CEP63: variants seen among roughly 807,000 people sequenced by gnomAD.
The protein encoded by CEP63 is centrosomal protein 63, also known as centrosomal protein of 63 kDa.
In CEP63, 84 loss-of-function variants were observed where a neutral mutation model predicts 89.1. The observed-to-expected ratio is 0.94, with a 90% CI of 0.79 to 1.13. CEP63 has a LOEUF of 1.13. CEP63 is among the 50% of genes most tolerant of loss of function. The pLI is 0.00. For synonymous variants in CEP63, 267 were observed against 272.5 expected (o/e 0.98, Z 0.20); for missense variants, 838 against 813.3 (o/e 1.03, Z -0.37).
chr3:134,501,959 G>A (rs190265084), intron 2 of CEP63, among the ~76,000 whole-genome samples: 6 of 152,290 alleles, frequency 3.9e-5, no homozygotes, highest in Non-Finnish European at 7.4e-5. Context: ...GATATTGGCT[G>A]TGGGTTTGTC....
chr3:134,752,349 CT>C, the CEP63 span, among the ~76,000 whole-genome samples: 1 of 152,148 alleles, frequency 6.6e-6, no homozygotes, highest in African/African-American at 2.4e-5. Context: ...AGCCCTGTGC[CT>C]GAGGAAAGTG....
At chr3:134,646,651 A>G in the CEP63 span, among the ~76,000 whole-genome samples, 1 of 152,090 alleles carries the variant, frequency 6.6e-6, no homozygotes, top group Non-Finnish European at 1.5e-5. Flanking sequence ...TTCATCTGCA[A>G]TCCTATTTCC....
chr3:134,628,211 A>G, the CEP63 span: 136 of 201,630 alleles, frequency 6.7e-4, no homozygotes, highest in East Asian at 2.9e-3. Context: ...ATGGATGGAA[A>G]CAAAGATGCA....
At chr3:134,583,768 G>T (rs1285419692) in intron 10 of CEP63, among the ~76,000 whole-genome samples, 1 of 152,074 alleles carries the variant, frequency 6.6e-6, no homozygotes, top group African/African-American at 2.4e-5. Context: ...AATTACCTTG[G>T]GCAGTATGGT....
the CEP63 span, among the ~76,000 whole-genome samples, chr3:134,694,129 A>G: frequency 1.3e-5 from 2 of 152,200 alleles, no homozygotes; most frequent in African/African-American, 4.8e-5. Context: ...CTGTCATTCA[A>G]TGTGAAGGGC....
At chr3:134,485,991 G>GCCGC, upstream of CEP63, 1 of 938,168 alleles carries the variant, frequency 1.1e-6, no homozygotes, top group Non-Finnish European at 1.3e-6. Flanking sequence ...CTCCTGCCAC[G>GCCGC]CCCCCCCCCC....
chr3:134,753,735 G>A, the CEP63 span, among the ~76,000 whole-genome samples: 1,118 of 152,272 alleles, frequency 7.3e-3, 17 homozygotes, highest in African/African-American at 0.025. Flanking sequence ...TAATTCTGAC[G>A]CATGCACTTT....
At chr3:134,777,887 T>A in the CEP63 span, among the ~76,000 whole-genome samples, 1 of 151,618 alleles carries the variant, frequency 6.6e-6, no homozygotes, top group Non-Finnish European at 1.5e-5. Context: ...AGTGCTGGGA[T>A]TACAGATGTG....
chr3:134,604,722 A>G, the CEP63 span, among the ~76,000 whole-genome samples: 1 of 152,146 alleles, frequency 6.6e-6, no homozygotes, highest in Admixed American at 6.5e-5. Flanking sequence ...TTTCTTTGAG[A>G]GAAATGAAAG....
chr3:134,760,058 C>CTTTTTTTT, the CEP63 span, among the ~76,000 whole-genome samples: 21 of 131,194 alleles, frequency 1.6e-4, 1 homozygote, highest in Non-Finnish European at 2.1e-4. Context: ...AGAGCACTTT[C>CTTTTTTTT]TTTTTTTTTT....
Position 134,564,604 on chromosome 3 carries a change from A to G in CEP63, c.*3069A>G. ...GAAAATCACTACCATTCAAGGCTTCATTGTATTTATCAGTAAAACTGAAAT... is the reference window on the plus strand; with the variant it reads ...GAAAATCACTACCATTCAAGGCTTCGTTGTATTTATCAGTAAAACTGAAAT... On this transcript the variant is annotated 3_prime_UTR_variant, in exon 15 of 15. Coordinates refer to ENST00000675561, the MANE Select transcript of CEP63 (RefSeq NM_001353108.3). The G allele has an allele frequency of 1.0e-6, 1 of 985,434 alleles. No individual in the cohort carries two copies. 61.0% of individuals were successfully genotyped at this position (985,434 alleles called of 1,614,324 possible). A position where few individuals can be genotyped will look rare whatever the true frequency, so the allele number is the denominator to read the frequency against.
the CEP63 span, among the ~76,000 whole-genome samples, chr3:134,668,841 A>G: frequency 6.6e-6 from 1 of 152,048 alleles, no homozygotes; most frequent in South Asian, 2.1e-4. Flanking sequence ...AAAGACCACC[A>G]TGTCCATCTC....
At chr3:134,570,427 A>G (rs1410256380) in intron 11 of CEP63, among the ~76,000 whole-genome samples, 1 of 152,174 alleles carries the variant, frequency 6.6e-6, no homozygotes, top group East Asian at 1.9e-4. Flanking sequence ...CTCAAGTTCA[A>G]AATTCCACAA....
chr3:134,689,898 G>T, the CEP63 span, among the ~76,000 whole-genome samples: 5 of 152,276 alleles, frequency 3.3e-5, no homozygotes, highest in East Asian at 7.7e-4. Flanking sequence ...TGGGCAAGTG[G>T]GGGCAAAGCT....
At chr3:134,630,232 C>G in the CEP63 span, among the ~76,000 whole-genome samples, 1 of 152,142 alleles carries the variant, frequency 6.6e-6, no homozygotes, top group Non-Finnish European at 1.5e-5. Flanking sequence ...TGTTGTTTTT[C>G]CCCCACTTTA....
At chr3:134,571,716 A>C (rs528230808) in intron 11 of CEP63, among the ~76,000 whole-genome samples, 6 of 152,238 alleles carry the variant, frequency 3.9e-5, no homozygotes, top group African/African-American at 1.4e-4. Flanking sequence ...ACAACAAAAG[A>C]TACAAAGCAT....
the CEP63 span, among the ~76,000 whole-genome samples, chr3:134,656,515 A>G: frequency 6.1e-3 from 931 of 152,340 alleles, 4 homozygotes; most frequent in Non-Finnish European, 8.3e-3. Context: ...GTGAGGGTGC[A>G]GGTCCCACGG....
intron 5 of CEP63, chr3:134,535,872 A>C (rs370225280): frequency 6.6e-6 from 1 of 152,174 alleles, no homozygotes; most frequent in Admixed American, 6.5e-5. Context: ...CACTTCCTAT[A>C]CAAAAACCTT....
At chr3:134,719,190 A>T in the CEP63 span, among the ~76,000 whole-genome samples, 2 of 151,906 alleles carry the variant, frequency 1.3e-5, no homozygotes, top group African/African-American at 4.8e-5. Flanking sequence ...TAAAATAGAG[A>T]CAGGGTCTCT....
Sources: gnomAD v4.1 joint callset for allele counts (sites outside exome capture counted in the v4.1 genomes callset) on GRCh38, gnomAD v4.1.1 for gene constraint, MANE v1.5 for transcripts, NCBI Gene and HGNC (gene_info 2026-07-23, HGNC 2026-07-21) for gene names.